Variants in PLPBP observed in about 807,000 individuals in gnomAD.
PLPBP encodes pyridoxal phosphate homeostasis protein.
In PLPBP, 21 loss-of-function variants were observed where a neutral mutation model predicts 31.2. The ratio of observed to expected loss-of-function variants is 0.67; its 90% CI spans 0.48 to 0.97. The LOEUF (loss-of-function observed/expected upper bound fraction) is 0.97. Ranked by LOEUF, PLPBP falls within the 50% of genes least tolerant of loss-of-function variation. PLPBP has a pLI of 0.00. For missense variants in PLPBP, 308 were observed against 354.4 expected, an observed-to-expected ratio of 0.87 and a Z score of 1.05; for synonymous variants, 124 against 135.6, an observed-to-expected ratio of 0.91 and a Z score of 0.59.
intron 4 of PLPBP, 37 bp from the exon 5 acceptor site, chr8:37,772,718 A>G (rs1803804613): frequency 6.2e-7 from 1 of 1,610,530 alleles, no homozygotes; most frequent in Non-Finnish European, 8.5e-7. Flanking sequence ...GCAATAGAGC[A>G]AATAAGGAAT....
At chr8:37,762,888 C>T in intron 1 of PLPBP, 130 bp downstream of exon 1, 2 of 1,173,946 alleles carry the variant, frequency 1.7e-6, no homozygotes, top group Non-Finnish European at 2.3e-6. Flanking sequence ...CGCCTAGGGC[C>T]ACCGAAAGGC....
At chr8:37,771,206 G>A (rs1314915692) in intron 4 of PLPBP, among the ~76,000 whole-genome samples, 2 of 152,004 alleles carry the variant, frequency 1.3e-5, no homozygotes, top group Non-Finnish European at 2.9e-5. Context: ...GCGTGATCCC[G>A]GCTCACTGCA....
chr8:37,771,186 G>A (rs1045114005), intron 4 of PLPBP, among the ~76,000 whole-genome samples: 3 of 152,042 alleles, frequency 2.0e-5, no homozygotes, highest in African/African-American at 7.2e-5. Context: ...ACCCAGGCTG[G>A]AGTGCAGTGG....
intron 1 of PLPBP, among the ~76,000 whole-genome samples, chr8:37,763,542 A>G (rs1053614846): frequency 6.6e-6 from 1 of 152,122 alleles, no homozygotes. Flanking sequence ...TCAGGTAACT[A>G]TTCCGGCCCT....
At chr8:37,768,084 C>T (rs940889881) in intron 4 of PLPBP, among the ~76,000 whole-genome samples, 4 of 152,158 alleles carry the variant, frequency 2.6e-5, no homozygotes, top group African/African-American at 4.8e-5. Flanking sequence ...GGATTGCAGG[C>T]ATGAGCCACC....
chr8:37,775,278 G>A, intron 5 of PLPBP, 61 bp from the exon 6 acceptor site: 1 of 1,588,448 alleles, frequency 6.3e-7, no homozygotes, highest in South Asian at 1.1e-5. Flanking sequence ...GGAGGAAAAT[G>A]GAGCCTTCCT....
chr8:37,778,815 AT>A lies in PLPBP; in HGVS notation c.*713del, dbSNP rs1803984209. 3 of 152,116 alleles carry A rather than the reference AT, an allele frequency of 2.0e-5. No homozygotes were observed. The highest frequency in any genetic ancestry group is 4.1e-4 in the South Asian group (2 of 4,824). The allele number at this position is 152,116 out of a possible 1,614,324, so 9.4% of individuals were successfully genotyped here. On this transcript the variant is annotated 3_prime_UTR_variant, in exon 8 of 8. Transcript: ENST00000328195. ...CCCGTCTCTACAAAAAAATTTAAAA[AT>A]TAACTGGGCATGGTGGCTGAGGTGG...
chr8:37,768,375 C>T (rs962598124), intron 4 of PLPBP, among the ~76,000 whole-genome samples: 1 of 150,660 alleles, frequency 6.6e-6, no homozygotes, highest in Non-Finnish European at 1.5e-5. Context: ...AATAAAATAA[C>T]ACAATAAAGA....
chr8:37,762,554 A>G (rs528997109), upstream of PLPBP: 1 of 1,477,890 alleles, frequency 6.8e-7, no homozygotes, highest in Non-Finnish European at 9.0e-7. Flanking sequence ...GAGACGACTC[A>G]ATGATGAGCA....
At chr8:37,765,841 T>G in intron 3 of PLPBP, 95 bp downstream of exon 3, 1 of 1,375,396 alleles carries the variant, frequency 7.3e-7, no homozygotes, top group South Asian at 1.3e-5. Flanking sequence ...TACAGCAGTT[T>G]TAGGGTGGTT....
rs1468609938 is a variant in PLPBP, at chr8:37,778,390, A to G, written c.*286A>G. The G allele has an allele frequency of 1.1e-5, 2 of 185,924 alleles. No homozygotes were observed. The highest frequency in any genetic ancestry group is 2.2e-5 in the Non-Finnish European group (2 of 89,880). The allele number at this position is 185,924 out of a possible 1,614,324, so 11.5% of individuals were successfully genotyped here. On this transcript the variant is annotated 3_prime_UTR_variant, in exon 8 of 8. Coordinates refer to ENST00000328195, the MANE Select transcript of PLPBP (RefSeq NM_007198.4). ...TCTGCCCAGGAGCATGAACTGATCC[A>G]TGAATGCCTTTTCCAGGTTAAAATT...
intron 1 of PLPBP, among the ~76,000 whole-genome samples, chr8:37,763,385 G>A (rs535880201): frequency 6.6e-6 from 1 of 152,314 alleles, no homozygotes; most frequent in Non-Finnish European, 1.5e-5. Context: ...GCCCACCTCA[G>A]TGCAAGTTTA....
intron 1 of PLPBP, among the ~76,000 whole-genome samples, chr8:37,764,916 A>T (rs992426029): frequency 2.0e-5 from 3 of 152,214 alleles, no homozygotes; most frequent in African/African-American, 7.2e-5. Flanking sequence ...CATGCCTGTA[A>T]TCCCAGCACT....
chr8:37,763,030 C>T (rs998876864), intron 1 of PLPBP, among the ~76,000 whole-genome samples: 1 of 152,150 alleles, frequency 6.6e-6, no homozygotes, highest in African/African-American at 2.4e-5. Context: ...ACTTGCGCAC[C>T]GCGTCGTTTC....
At chr8:37,774,090 A>T (rs907101923) in intron 5 of PLPBP, among the ~76,000 whole-genome samples, 4 of 152,124 alleles carry the variant, frequency 2.6e-5, no homozygotes, top group Admixed American at 6.6e-5. Flanking sequence ...GTGCACCCAT[A>T]GCCCCAGCTG....
At position 37,778,348 on chromosome 8, in the gene PLPBP, C is replaced by T; in HGVS notation, c.*244C>T. 1 of 318,440 alleles carries T rather than the reference C, an allele frequency of 3.1e-6. No homozygotes were observed. The highest frequency in any genetic ancestry group is 2.1e-5 in the African/African-American group (1 of 47,284). 19.7% of individuals were successfully genotyped at this position (318,440 alleles called of 1,614,324 possible). The stretch of plus-strand genomic sequence containing the variant: ...AGATACCAAATCAATAGCTAGGAAT[C>T]ATGTTCAATATTGAATTCTGCCCAG... On this transcript the variant is annotated 3_prime_UTR_variant, in exon 8 of 8. Coordinates refer to ENST00000328195, the MANE Select transcript of PLPBP (RefSeq NM_007198.4).
At chr8:37,768,259 CAG>C (rs1313789168) in intron 4 of PLPBP, among the ~76,000 whole-genome samples, 1 of 152,004 alleles carries the variant, frequency 6.6e-6, no homozygotes, top group African/African-American at 2.4e-5. Context: ...ACAACAATAA[CAG>C]AAGGGGATAA....
chr8:37,772,567 G>A (rs982880779), intron 4 of PLPBP, among the ~76,000 whole-genome samples, 188 bp from the exon 5 acceptor site: 1 of 152,162 alleles, frequency 6.6e-6, no homozygotes, highest in African/African-American at 2.4e-5. Flanking sequence ...TGATTAGCCA[G>A]GGATGGTCTG....
chr8:37,764,185 C>T (rs2129768522), intron 1 of PLPBP, among the ~76,000 whole-genome samples: 1 of 152,146 alleles, frequency 6.6e-6, no homozygotes, highest in East Asian at 1.9e-4. Context: ...TCACCGCAAC[C>T]TCCACCTCCC....
Sources: allele counts gnomAD v4.1 joint callset (sites outside exome capture counted in the v4.1 genomes callset), GRCh38; gene constraint gnomAD v4.1.1; transcripts MANE v1.5; gene names NCBI Gene and HGNC (gene_info 2026-07-23, HGNC 2026-07-21).